Variants in AKT1 observed in about 807,000 individuals in gnomAD.
AKT1 encodes the protein AKT serine/threonine kinase 1, also known as RAC-alpha serine/threonine-protein kinase.
Under a neutral mutation model 63.1 loss-of-function variants are expected in AKT1, and 21 were observed. The ratio of observed to expected loss-of-function variants is 0.33; its 90% CI spans 0.24 to 0.48. AKT1 has a LOEUF of 0.48. AKT1 is among the 20% of genes least tolerant of loss of function. AKT1 has a pLI of 0.99. For missense variants in AKT1, 382 were observed against 666.0 expected, an observed-to-expected ratio of 0.57 and a Z score of 4.69; for synonymous variants, 257 against 253.1, an observed-to-expected ratio of 1.02 and a Z score of -0.15.
chr14:104,788,658 C>G (rs1160647702), intron 3 of AKT1, among the ~76,000 whole-genome samples: 1 of 152,164 alleles, frequency 6.6e-6, no homozygotes, highest in Non-Finnish European at 1.5e-5. Context: ...ACCACTCTCT[C>G]CCTGCCTCAG....
In AKT1 at chr14:104,769,509, C is replaced by A. The variant is rs1176026587; in HGVS notation, c.*832G>T. ...GGAGGGGCCCAGGGATGGCCACCCC[C>A]ACAGGGAGTCAGGGAGGGCCTGGGG... On this transcript the variant is annotated 3_prime_UTR_variant, in exon 15 of 15. Coordinates refer to ENST00000649815, the MANE Select transcript of AKT1 (RefSeq NM_001382430.1). 2 of 531,956 alleles carry A rather than the reference C, an allele frequency of 3.8e-6. No individual in the cohort carries two copies. The allele number at this position is 531,956 out of a possible 1,614,324, so 33.0% of individuals were successfully genotyped here.
chr14:104,769,817 A>G lies in AKT1; in HGVS notation c.*524T>C, dbSNP rs1892275071. 2.6e-6 allele frequency: 1 copy of G among 390,352 alleles called. No individual in the cohort carries two copies. Among genetic ancestry groups the G allele is most frequent in the African/African-American group, 2.1e-5 (1 of 47,802 alleles). 24.2% of individuals were successfully genotyped at this position (390,352 alleles called of 1,614,324 possible). A position where few individuals can be genotyped will look rare whatever the true frequency, so the allele number is the denominator to read the frequency against. On this transcript the variant is annotated 3_prime_UTR_variant, in exon 15 of 15. Coordinates refer to ENST00000649815, the MANE Select transcript of AKT1 (RefSeq NM_001382430.1). The stretch of plus-strand genomic sequence containing the variant: ...CCAGCCTCCGATGACGTCCTCAGAG[A>G]CACGGCCTTAGTGCTGGGGGGCTGC...
In AKT1 at chr14:104,773,995, A is replaced by G. The variant is rs1296724965; in HGVS notation, c.634-15T>C. On this transcript the variant is annotated splice_polypyrimidine_tract_variant and intron_variant, in intron 8 of 14. Coordinates refer to ENST00000649815, the MANE Select transcript of AKT1 (RefSeq NM_001382430.1). ...TACTTCAGGGCCTGCAAGGAAGGGG[A>G]GCTGGAACTGCGGCCCCACAGGCAG... is the stretch of plus-strand genomic sequence containing the variant. The G allele has an allele frequency of 2.5e-6, 4 of 1,609,510 alleles. No homozygotes were observed. Among genetic ancestry groups the G allele is most frequent in the Admixed American group, 1.7e-5 (1 of 59,786 alleles).
intron 4 of AKT1, chr14:104,777,180 CT>C: frequency 4.6e-6 from 1 of 218,608 alleles, no homozygotes; most frequent in South Asian, 5.2e-5. Flanking sequence ...AAATGTCCTG[CT>C]TTTTTCCCAA....
In AKT1 at chr14:104,769,460, C is replaced by T. The variant is rs923531097; in HGVS notation, c.*881G>A. The T allele has an allele frequency of 1.1e-5, 5 of 444,206 alleles. No individual in the cohort carries two copies. The highest frequency in any genetic ancestry group is 1.7e-5 in the Non-Finnish European group (4 of 235,422). 27.5% of individuals were successfully genotyped at this position (444,206 alleles called of 1,614,324 possible). On this transcript the variant is annotated 3_prime_UTR_variant, in exon 15 of 15. Coordinates refer to ENST00000649815, the MANE Select transcript of AKT1 (RefSeq NM_001382430.1). ...AAAAAACGCCGTGGTGCAGCGGCAGCGGCAGCGTCTGGCCAGGAGGCGTGG... is the reference window on the plus strand; with the variant it reads ...AAAAAACGCCGTGGTGCAGCGGCAGTGGCAGCGTCTGGCCAGGAGGCGTGG...
chr14:104,771,799 C>G, intron 13 of AKT1: 1 of 237,802 alleles, frequency 4.2e-6, no homozygotes, highest in East Asian at 6.0e-5. Context: ...GGGGTGATGG[C>G]CAGGGCTCCT....
At chr14:104,788,528 CCT>C (rs1893451870) in intron 3 of AKT1, among the ~76,000 whole-genome samples, 1 of 152,212 alleles carries the variant, frequency 6.6e-6, no homozygotes, top group Admixed American at 6.5e-5. Context: ...TGGCCTGTAC[CCT>C]CTGAGGTCCC....
chr14:104,777,174 G>T (rs570853418), intron 4 of AKT1: 3 of 223,512 alleles, frequency 1.3e-5, no homozygotes, highest in East Asian at 1.5e-4. Flanking sequence ...GTGTAGAAAT[G>T]TCCTGCTTTT....
chr14:104,792,574 C>T, intron 3 of AKT1, 24 bp downstream of exon 3: 1 of 1,611,978 alleles, frequency 6.2e-7, no homozygotes, highest in Non-Finnish European at 8.5e-7. Flanking sequence ...CTCCCCAGGC[C>T]CAGCCCTGGC....
At position 104,781,099 on chromosome 14, in the gene AKT1, C is replaced by T. The variant is rs61761178; in HGVS notation, c.47-883G>A. On this transcript the variant is annotated intron_variant, in intron 3 of 14. Coordinates refer to ENST00000649815, the MANE Select transcript of AKT1 (RefSeq NM_001382430.1). Reference sequence around the variant, plus strand: ...ACTTCAGAATCAGAGCAGCTGTCCTCGGTGATAGCCCAGCAAGTACCATTT... The same window carrying T: ...ACTTCAGAATCAGAGCAGCTGTCCTTGGTGATAGCCCAGCAAGTACCATTT... 2.4e-3 allele frequency among the ~76,000 whole-genome samples: 373 copies of T among 152,346 alleles called. 1 individual carries two copies. Among genetic ancestry groups the T allele is most frequent in the African/African-American group, 8.3e-3 (347 of 41,574 alleles).
At chr14:104,792,462 C>A in intron 3 of AKT1, 136 bp downstream of exon 3, 1 of 980,142 alleles carries the variant, frequency 1.0e-6, no homozygotes, top group Admixed American at 1.8e-5. Flanking sequence ...GGGCCCAGGA[C>A]ACTCACCCTA....
rs375645311 is a variant in AKT1, at chr14:104,780,137, C to T, written c.126G>A (p.Pro42=). 1.1e-4 allele frequency: 172 copies of T among 1,613,510 alleles called. No homozygotes were observed. Among genetic ancestry groups the T allele is most frequent in the African/African-American group, 6.3e-4 (47 of 74,938 alleles). ...DGTFIGYKER[P]QDVDQREAPL... Reference sequence around the variant, plus strand: ...GAGCCTCACGTTGGTCCACATCCTGCGGCCGCTCCTTGTAGCCAATGAAGG... The same window carrying T: ...GAGCCTCACGTTGGTCCACATCCTGTGGCCGCTCCTTGTAGCCAATGAAGG... The change falls in exon 4 of 15, where the codon CCG becomes CCA. Residue 42 remains proline (P), a synonymous_variant. Transcript: ENST00000649815.
rs2141018260 is a variant in AKT1 at position 104,795,317 on chromosome 14, G to A, written c.-258+167C>T. ...GCCGCCCTCCCTTGGCCGGGCCCGCGCGCCCCGCGCCCTCCCCGCCCAGGC... is the reference window on the plus strand; with the variant it reads ...GCCGCCCTCCCTTGGCCGGGCCCGCACGCCCCGCGCCCTCCCCGCCCAGGC... On this transcript the variant is annotated intron_variant, in intron 1 of 14. Transcript: ENST00000649815. The surrounding 1 kb of genome is among the most constrained non-coding windows in gnomAD (Gnocchi z 5.1). Among the ~76,000 whole-genome samples, 1 of 149,874 alleles carries A rather than the reference G, an allele frequency of 6.7e-6. No homozygotes were observed. Among genetic ancestry groups the A allele is most frequent in the Non-Finnish European group, 1.5e-5 (1 of 67,174 alleles).
chr14:104,789,832 G>A (rs530901148), intron 3 of AKT1, among the ~76,000 whole-genome samples: 1 of 152,292 alleles, frequency 6.6e-6, no homozygotes, highest in South Asian at 2.1e-4. Context: ...CCTGTTAGAT[G>A]TGCAGACCCA....
intron 11 of AKT1, 56 bp downstream of exon 11, chr14:104,773,195 G>C (rs201826439): frequency 6.2e-7 from 1 of 1,612,208 alleles, no homozygotes. Flanking sequence ...ACAGCATTGC[G>C]TGTGCTCAGG....
At position 104,792,729 on chromosome 14, in the gene AKT1, G is replaced by A. The variant is rs1438812802; in HGVS notation, c.-79-7C>T. The A allele has an allele frequency of 6.6e-7, 1 of 1,519,980 alleles. No individual in the cohort carries two copies. Among genetic ancestry groups the A allele is most frequent in the East Asian group, 2.2e-5 (1 of 44,534 alleles). 94.2% of individuals were successfully genotyped at this position (1,519,980 alleles called of 1,614,324 possible). ...GCTGGCCTGGCCACAGCCTCTGGGA[G>A]AAGCAAAGGAAGCTGAATGTGAGGC... is the stretch of plus-strand genomic sequence containing the variant. On this transcript the variant is annotated splice_region_variant and splice_polypyrimidine_tract_variant and intron_variant, in intron 2 of 14. Coordinates refer to ENST00000649815, the MANE Select transcript of AKT1 (RefSeq NM_001382430.1).
At chr14:104,772,024 G>T (rs918001362) in intron 13 of AKT1, 11 of 458,296 alleles carry the variant, frequency 2.4e-5, no homozygotes, top group Admixed American at 3.9e-5. Context: ...TCCACCACCA[G>T]CCAGCCTTCA....
chr14:104,792,450 TG>T, intron 3 of AKT1, 147 bp downstream of exon 3: 1 of 878,400 alleles, frequency 1.1e-6, no homozygotes. Context: ...TGGGAAGACA[TG>T]GGGCCCAGGA....
rs61758557 is a variant in AKT1, at chr14:104,790,226, C to G, written c.46+2372G>C. On this transcript the variant is annotated intron_variant, in intron 3 of 14. Coordinates refer to ENST00000649815, the MANE Select transcript of AKT1 (RefSeq NM_001382430.1). ...TCGTGGGGAGTCCCGGCAAAGGGGACAGGTGCGGGCCAGCCTCTGAGACAA... is the reference window on the plus strand; with the variant it reads ...TCGTGGGGAGTCCCGGCAAAGGGGAGAGGTGCGGGCCAGCCTCTGAGACAA... Among the ~76,000 whole-genome samples, 637 of 152,330 alleles carry G rather than the reference C, an allele frequency of 4.2e-3. 5 individuals carry two copies. Among genetic ancestry groups the G allele is most frequent in the African/African-American group, 0.015 (621 of 41,566 alleles).
Sources: gnomAD v4.1 joint callset for allele counts (sites outside exome capture counted in the v4.1 genomes callset) on GRCh38, gnomAD v4.1.1 for gene constraint, Gnocchi (gnomAD v3.1) non-coding constraint, MANE v1.5 for transcripts, NCBI Gene and HGNC (gene_info 2026-07-23, HGNC 2026-07-21) for gene names.